Variants in RALYL observed in about 807,000 individuals in gnomAD.
RALYL encodes the protein RNA-binding Raly-like protein.
In RALYL, 29 loss-of-function variants were observed where a neutral mutation model predicts 35.1. That is an observed-to-expected ratio of 0.83 (90% CI 0.61 to 1.13). The LOEUF (loss-of-function observed/expected upper bound fraction) is 1.13, where lower values mean the gene tolerates loss of function less well. RALYL is among the 50% of genes most tolerant of loss of function. RALYL has a pLI of 0.00. For synonymous variants in RALYL, 120 were observed against 127.6 expected (o/e 0.94, Z 0.40); for missense variants, 359 against 360.4 (o/e 1.00, Z 0.03).
chr8:84,536,933 T>C (rs1564104965), intron 2 of RALYL, among the ~76,000 whole-genome samples: 1 of 152,056 alleles, frequency 6.6e-6, no homozygotes, highest in Non-Finnish European at 1.5e-5. Context: ...TTTGAAACTA[T>C]TCATCATTCT....
At chr8:84,301,308 A>T (rs1840737398) in intron 1 of RALYL, among the ~76,000 whole-genome samples, 1 of 151,544 alleles carries the variant, frequency 6.6e-6, no homozygotes, top group Non-Finnish European at 1.5e-5. Context: ...TAGCTGCCTT[A>T]AAAAAAATTT....
chr8:84,449,622 G>A lies in RALYL; in HGVS notation c.-23-79677G>A, dbSNP rs534539483. Among the ~76,000 whole-genome samples, 228 of 151,906 alleles carry A rather than the reference G, an allele frequency of 1.5e-3. 1 individual carries two copies. Among genetic ancestry groups the A allele is most frequent in the African/African-American group, 5.4e-3 (223 of 41,466 alleles). On this transcript the variant is annotated intron_variant, in intron 1 of 8. Coordinates refer to ENST00000521268, the MANE Select transcript of RALYL (RefSeq NM_173848.7). ...TCTAAATCAGAATTTCTAAACTTCA[G>A]CCTCTTGAAGCTAAGGTTCAGAGCC...
chr8:84,447,396 G>T (rs1424927597), intron 1 of RALYL, among the ~76,000 whole-genome samples: 1 of 151,958 alleles, frequency 6.6e-6, no homozygotes, highest in African/African-American at 2.4e-5. Context: ...TGCGTGGCCT[G>T]CTTGGTCTTG....
chr8:84,893,418 T>C (rs1844209458), intron 8 of RALYL, among the ~76,000 whole-genome samples: 3 of 152,228 alleles, frequency 2.0e-5, no homozygotes, highest in African/African-American at 7.2e-5. Context: ...TATTCCCCTT[T>C]ATATAAAATA....
chr8:84,217,571 A>C (rs1172186854), intron 1 of RALYL, among the ~76,000 whole-genome samples: 1 of 152,076 alleles, frequency 6.6e-6, no homozygotes, highest in African/African-American at 2.4e-5. Context: ...AAGGAAAATA[A>C]TTATGAATTA....
At chr8:84,624,756 G>A (rs929191946) in intron 2 of RALYL, among the ~76,000 whole-genome samples, 6 of 152,112 alleles carry the variant, frequency 3.9e-5, no homozygotes, top group African/African-American at 1.4e-4. Context: ...TAAATCTTTT[G>A]CACACTGCCT....
At chr8:84,204,355 G>A (rs1817598416) in intron 1 of RALYL, among the ~76,000 whole-genome samples, 2 of 151,980 alleles carry the variant, frequency 1.3e-5, no homozygotes, top group African/African-American at 4.8e-5. Context: ...ATAATATTCT[G>A]CCGTTGTCTT....
intron 2 of RALYL, among the ~76,000 whole-genome samples, chr8:84,716,561 AT>A (rs1407818528): frequency 1.3e-5 from 2 of 152,142 alleles, no homozygotes; most frequent in Non-Finnish European, 2.9e-5. Context: ...CTCCAGAGCT[AT>A]TTATATGAAG....
At chr8:84,616,848 A>T (rs1297045193) in intron 2 of RALYL, among the ~76,000 whole-genome samples, 1 of 151,776 alleles carries the variant, frequency 6.6e-6, no homozygotes, top group Non-Finnish European at 1.5e-5. Flanking sequence ...TTAAGTAGGG[A>T]ATCCTTTCCC....
intron 2 of RALYL, among the ~76,000 whole-genome samples, chr8:84,744,323 G>A (rs1328775756): frequency 6.6e-6 from 1 of 151,978 alleles, no homozygotes; most frequent in Non-Finnish European, 1.5e-5. Context: ...GTACAGGGAA[G>A]CAGTCTGAGC....
intron 2 of RALYL, among the ~76,000 whole-genome samples, chr8:84,705,225 G>C (rs1219892503): frequency 6.6e-6 from 1 of 152,172 alleles, no homozygotes; most frequent in Non-Finnish European, 1.5e-5. Flanking sequence ...TTGAGTGACA[G>C]TGTGAAACAT....
chr8:84,523,795 T>C (rs1439550555), intron 1 of RALYL, among the ~76,000 whole-genome samples: 1 of 151,882 alleles, frequency 6.6e-6, no homozygotes, highest in African/African-American at 2.4e-5. Flanking sequence ...GATAGTTTAC[T>C]GAGAATGATG....
In RALYL at chr8:84,311,041, G is replaced by A. The variant is rs563928384; in HGVS notation, c.-24+126617G>A. Among the ~76,000 whole-genome samples the A allele has an allele frequency of 5.0e-3, 363 of 72,230 alleles. 5 individuals carry two copies. Among genetic ancestry groups the A allele is most frequent in the Admixed American group, 9.4e-3 (41 of 4,378 alleles). The allele number at this position is 72,230 out of a possible 152,430, so 47.4% of individuals were successfully genotyped here. On this transcript the variant is annotated intron_variant, in intron 1 of 8. Transcript: ENST00000521268. ...CGCAGTCCGACCTGGGCGACAGAGC[G>A]AGACTCCGTCTCAAAAAAAAAAAAA...
At chr8:84,389,082 C>G (rs1859961991) in intron 1 of RALYL, among the ~76,000 whole-genome samples, 1 of 152,104 alleles carries the variant, frequency 6.6e-6, no homozygotes, top group Non-Finnish European at 1.5e-5. Context: ...TTTCCCAGCA[C>G]CATTTATTAA....
chr8:84,541,876 C>G lies in RALYL; in HGVS notation c.256+12299C>G, dbSNP rs150565134. On this transcript the variant is annotated intron_variant, in intron 2 of 8. Transcript: ENST00000521268. ...AATCTTAATATTCCTTAACTCACTT[C>G]CTCTTGATTTGTGTTTGTATGGTAT... is the stretch of plus-strand genomic sequence containing the variant. 2.2e-3 allele frequency among the ~76,000 whole-genome samples: 327 copies of G among 152,082 alleles called. 4 individuals are homozygous for G. Among genetic ancestry groups the G allele is most frequent in the African/African-American group, 7.1e-3 (295 of 41,520 alleles).
intron 1 of RALYL, among the ~76,000 whole-genome samples, chr8:84,469,773 G>C (rs1171382582): frequency 1.3e-5 from 2 of 152,272 alleles, no homozygotes; most frequent in East Asian, 1.9e-4. Context: ...TCAGACTGCT[G>C]TGCTAGCAAT....
At chr8:84,889,433 AAATTCTCCT>A (rs1843453430) in intron 8 of RALYL, among the ~76,000 whole-genome samples, 1 of 152,148 alleles carries the variant, frequency 6.6e-6, no homozygotes, top group African/African-American at 2.4e-5. Flanking sequence ...TTCTTCTGAG[AAATTCTCCT>A]AATTTACCAC....
At chr8:84,584,815 GAAAATAATC>G (rs1467000462) in intron 2 of RALYL, among the ~76,000 whole-genome samples, 1 of 152,090 alleles carries the variant, frequency 6.6e-6, no homozygotes, top group Non-Finnish European at 1.5e-5. Flanking sequence ...AAAAGAAAAT[GAAAATAATC>G]ACAAAGAGAT....
At chr8:84,697,445 C>T (rs1452016156) in intron 2 of RALYL, among the ~76,000 whole-genome samples, 2 of 151,972 alleles carry the variant, frequency 1.3e-5, no homozygotes. Flanking sequence ...GTCATTCTAA[C>T]CTACTTGATT....
Sources: gnomAD v4.1 joint callset for allele counts (sites outside exome capture counted in the v4.1 genomes callset) on GRCh38, gnomAD v4.1.1 for gene constraint, MANE v1.5 for transcripts, NCBI Gene and HGNC (gene_info 2026-07-23, HGNC 2026-07-21) for gene names.